ZYG11A: variants seen among roughly 807,000 people sequenced by gnomAD.
ZYG11A encodes the protein protein zyg-11 homolog A.
In ZYG11A, 62 loss-of-function variants were observed where a neutral mutation model predicts 77.2. The ratio of observed to expected loss-of-function variants is 0.80; its 90% CI spans 0.65 to 0.99. ZYG11A has a LOEUF of 0.99. ZYG11A is among the 50% of genes least tolerant of loss of function. The probability of loss-of-function intolerance (pLI) is 0.00; values close to 1 mark genes in which losing one functional copy is unlikely to be tolerated. For synonymous variants in ZYG11A, 315 were observed against 324.6 expected (o/e 0.97, Z 0.32); for missense variants, 828 against 896.8 (o/e 0.92, Z 0.98).
At chr1:52,881,313 T>G in intron 10 of ZYG11A, 158 bp from the exon 11 acceptor site, 1 of 535,982 alleles carries the variant, frequency 1.9e-6, no homozygotes, top group Non-Finnish European at 3.3e-6. Context: ...ATCAAGGGAG[T>G]TGGATTGTGG....
chr1:52,852,448 C>T (rs1645732077), intron 1 of ZYG11A, among the ~76,000 whole-genome samples: 1 of 150,352 alleles, frequency 6.7e-6, no homozygotes, highest in African/African-American at 2.4e-5. Context: ...ACTGCACTCT[C>T]TGCCTTCTGG....
At chr1:52,856,379 G>A (rs554567714) in intron 2 of ZYG11A, among the ~76,000 whole-genome samples, 77 of 149,198 alleles carry the variant, frequency 5.2e-4, no homozygotes, top group African/African-American at 1.9e-3. Context: ...CAAGGGAATC[G>A]CTTGAACTTG....
rs1645840279 is a variant in ZYG11A at position 52,857,650 on chromosome 1, A to G, written c.909A>G (p.Val303=). The G allele has an allele frequency of 1.3e-6, 2 of 1,552,086 alleles. No homozygotes were observed. The highest frequency in any genetic ancestry group is 2.4e-5 in the East Asian group (1 of 40,936). The change falls in exon 3 of 14, where the codon GTA becomes GTG. Residue 303 remains valine (V), a synonymous_variant. Coordinates refer to ENST00000371528, the MANE Select transcript of ZYG11A (RefSeq NM_001004339.3). The stretch of plus-strand genomic sequence containing the variant: ...GCAATTGCATCACTGATGAAGCTGT[A>G]GAACTGTTTATACGACTGCGGCCTG... ...SGGNCITDEA[V]ELFIRLRPAM...
intron 11 of ZYG11A, among the ~76,000 whole-genome samples, chr1:52,882,186 C>T (rs1646375706): frequency 6.6e-6 from 1 of 152,218 alleles, no homozygotes; most frequent in Non-Finnish European, 1.5e-5. Flanking sequence ...AGCCATCGCG[C>T]CTAGCCAACT....
intron 12 of ZYG11A, 106 bp downstream of exon 12, chr1:52,886,000 T>G: frequency 1.2e-6 from 1 of 805,606 alleles, no homozygotes; most frequent in Non-Finnish European, 1.9e-6. Flanking sequence ...TGGCACAATC[T>G]TGGCTCACTG....
chr1:52,866,721 G>A (rs776917303), intron 6 of ZYG11A, among the ~76,000 whole-genome samples, 154 bp downstream of exon 6: 11 of 152,122 alleles, frequency 7.2e-5, no homozygotes, highest in Non-Finnish European at 4.4e-5. Flanking sequence ...AGAAAATGTT[G>A]TCTCCTAAAG....
At position 52,854,509 on chromosome 1, in the gene ZYG11A, C is replaced by T. The variant is rs1318941989; in HGVS notation, c.135C>T (p.Val45=). ...PYTLVNICLN[V]LIANLEKLCS... is the part of the protein sequence containing the mutation. ...CTTTGGTCAACATCTGCCTGAATGTCCTGATTGCTAACCTGGAGAAATTGT... is the reference window on the plus strand; with the variant it reads ...CTTTGGTCAACATCTGCCTGAATGTTCTGATTGCTAACCTGGAGAAATTGT... The change falls in exon 2 of 14, where the codon GTC becomes GTT. Residue 45 remains valine, a synonymous_variant. Coordinates refer to ENST00000371528, the MANE Select transcript of ZYG11A (RefSeq NM_001004339.3). 1 of 1,551,196 alleles carries T rather than the reference C, an allele frequency of 6.4e-7. No individual in the cohort carries two copies. The highest frequency in any genetic ancestry group is 8.7e-7 in the Non-Finnish European group (1 of 1,146,450).
chr1:52,868,694 C>T (rs939793719), intron 8 of ZYG11A, among the ~76,000 whole-genome samples: 4 of 151,844 alleles, frequency 2.6e-5, no homozygotes, highest in African/African-American at 9.7e-5. Flanking sequence ...GGCTGAGGCA[C>T]GAGGATTGTT....
intron 2 of ZYG11A, among the ~76,000 whole-genome samples, chr1:52,855,537 C>A (rs749714689): frequency 6.6e-6 from 1 of 152,162 alleles, no homozygotes; most frequent in African/African-American, 2.4e-5. Context: ...CAGAAAGAAA[C>A]CTTGTGCCCG....
intron 1 of ZYG11A, among the ~76,000 whole-genome samples, chr1:52,851,884 A>G (rs1295395213): frequency 6.7e-6 from 1 of 148,974 alleles, no homozygotes; most frequent in African/African-American, 2.5e-5. Context: ...AGTAGCTGGG[A>G]TTACAGGCAC....
chr1:52,871,429 G>A (rs112285994), intron 8 of ZYG11A, among the ~76,000 whole-genome samples: 7 of 151,298 alleles, frequency 4.6e-5, no homozygotes, highest in East Asian at 1.9e-4. Flanking sequence ...TTAAATTCCC[G>A]TGTATATATC....
At position 52,885,895 on chromosome 1, in the gene ZYG11A, G is replaced by A; in HGVS notation, c.2006+1G>A. The A allele has an allele frequency of 6.5e-7, 1 of 1,538,722 alleles. No individual in the cohort carries two copies. Among genetic ancestry groups the A allele is most frequent in the Non-Finnish European group, 8.8e-7 (1 of 1,141,298 alleles). ...AGATGACAGCATTGGTGACCTATAG[G>A]TAATTTCATGGTGTTGTGCTTTTCT... On this transcript the variant is annotated splice_donor_variant, in intron 12 of 13. Coordinates refer to ENST00000371528, the MANE Select transcript of ZYG11A (RefSeq NM_001004339.3). LOFTEE classifies it high-confidence loss of function.
At chr1:52,852,928 G>T (rs550848269) in intron 1 of ZYG11A, among the ~76,000 whole-genome samples, 1 of 152,252 alleles carries the variant, frequency 6.6e-6, no homozygotes, top group East Asian at 1.9e-4. Flanking sequence ...AAAAACAGTG[G>T]TCATATGTGT....
At chr1:52,855,347 C>A (rs1361873032) in intron 2 of ZYG11A, among the ~76,000 whole-genome samples, 1 of 151,390 alleles carries the variant, frequency 6.6e-6, no homozygotes, top group Non-Finnish European at 1.5e-5. Flanking sequence ...GTCACCATGT[C>A]CGGTCATAAT....
At position 52,864,093 on chromosome 1, in the gene ZYG11A, G is replaced by A. The variant is rs1171308732; in HGVS notation, c.1262G>A (p.Arg421His). 6.4e-6 allele frequency: 10 copies of A among 1,551,828 alleles called. No individual in the cohort carries two copies. The highest frequency in any genetic ancestry group is 1.4e-5 in the African/African-American group (1 of 73,056). ...GGCCTGGCCAAGGGGATGCCTGTTC[G>A]CCTGTTGTCAGAGGTCACCTGTCTA... Reference protein sequence around the residue: ...RQGLAKGMPVRLLSEVTCLLF... With the variant: ...RQGLAKGMPVHLLSEVTCLLF... Residue 421 changes from arginine (R) to histidine (H), a missense_variant, in exon 5 of 14, where the codon CGC (arginine) becomes CAC (histidine). Physicochemically the swap from Arg to His is conservative, Grantham distance 29. Coordinates refer to ENST00000371528, the MANE Select transcript of ZYG11A (RefSeq NM_001004339.3).
rs1646361751 is a variant in ZYG11A, at chr1:52,881,531, C to T, written c.1810C>T (p.His604Tyr). The change falls in exon 11 of 14, where the codon CAT (histidine) becomes TAT (tyrosine). Residue 604 changes from histidine (H) to tyrosine (Y), a missense_variant. Transcript: ENST00000371528. ...SKLVTEDVLK[H>Y]INSLLCSREM... ...GCTGGTGACCGAAGATGTGCTGAAG[C>T]ATATCAACAGTTTACTCTGTAGCAG... is the stretch of plus-strand genomic sequence containing the variant. 1 of 1,551,728 alleles carries T rather than the reference C, an allele frequency of 6.4e-7. No individual in the cohort carries two copies. Among genetic ancestry groups the T allele is most frequent in the African/African-American group, 1.4e-5 (1 of 73,004 alleles).
At position 52,878,970 on chromosome 1, in the gene ZYG11A, AAAAAAC is replaced by A. The variant is rs1305189747; in HGVS notation, c.1749+1005_1749+1010del. Among the ~76,000 whole-genome samples the A allele has an allele frequency of 8.5e-3, 555 of 65,488 alleles. 20 individuals carry two copies. Among genetic ancestry groups the A allele is most frequent in the Non-Finnish European group, 0.026 (415 of 15,834 alleles). The allele number at this position is 65,488 out of a possible 152,430, so 43.0% of individuals were successfully genotyped here. On this transcript the variant is annotated intron_variant, in intron 10 of 13. Coordinates refer to ENST00000371528, the MANE Select transcript of ZYG11A (RefSeq NM_001004339.3). ...TGCTCAAAAAAAAAAAAAAAAAAAAAAAAAACAAACCAAAAAACTCAAACTCAGTCA... is the reference window on the plus strand; with the variant it reads ...TGCTCAAAAAAAAAAAAAAAAAAAAAAAACCAAAAAACTCAAACTCAGTCA...
At position 52,846,308 on chromosome 1, in the gene ZYG11A, TTTTATA is replaced by T. The variant is rs1227366516; in HGVS notation, c.90+3337_90+3342del. 3.9e-4 allele frequency among the ~76,000 whole-genome samples: 49 copies of T among 124,892 alleles called. 1 individual carries two copies. Among genetic ancestry groups the T allele is most frequent in the East Asian group, 2.6e-3 (8 of 3,078 alleles). The allele number at this position is 124,892 out of a possible 152,430, so 81.9% of individuals were successfully genotyped here. A position where few individuals can be genotyped will look rare whatever the true frequency, so the allele number is the denominator to read the frequency against. Reference sequence around the variant, plus strand: ...TTTTGGAAATCATGGCTTTTTAAATTTTTATATATATATATATATATATATATATAT... The same window carrying T: ...TTTTGGAAATCATGGCTTTTTAAATTTATATATATATATATATATATATAT... On this transcript the variant is annotated intron_variant, in intron 1 of 13. Coordinates refer to ENST00000371528, the MANE Select transcript of ZYG11A (RefSeq NM_001004339.3).
chr1:52,846,312 A>ATT (rs1558155753), intron 1 of ZYG11A, among the ~76,000 whole-genome samples: 12 of 2,164 alleles, frequency 5.5e-3, no homozygotes, highest in African/African-American at 0.017. Flanking sequence ...TTAAATTTTT[A>ATT]TATATATATA....
Sources: allele counts gnomAD v4.1 joint callset (sites outside exome capture counted in the v4.1 genomes callset), GRCh38; gene constraint gnomAD v4.1.1; transcripts MANE v1.5; gene names NCBI Gene and HGNC (gene_info 2026-07-23, HGNC 2026-07-21).